RNF180: variants seen among roughly 807,000 people sequenced by gnomAD.
The protein encoded by RNF180 is ring finger protein 180, also known as E3 ubiquitin-protein ligase RNF180.
A neutral mutation model predicts 59.2 loss-of-function variants in RNF180; 38 were observed. That is an observed-to-expected ratio of 0.64 (90% CI 0.50 to 0.84). RNF180 has a LOEUF of 0.84. Ranked by LOEUF, RNF180 falls within the 40% of genes least tolerant of loss-of-function variation. RNF180 has a pLI of 0.00. For missense variants in RNF180, 705 were observed against 700.9 expected (o/e 1.01, Z -0.07); for synonymous variants, 262 against 240.3 (o/e 1.09, Z -0.84).
At chr5:64,174,959 C>CTTTTTTTTTTTTTT (rs370660214) in intron 1 of RNF180, among the ~76,000 whole-genome samples, 1 of 84,752 alleles carries the variant, frequency 1.2e-5, no homozygotes, top group African/African-American at 4.9e-5. Context: ...TAATCCAGTT[C>CTTTTTTTTTTTTTT]TTTTTTTTTT....
chr5:64,336,011 T>A (rs183027399), intron 7 of RNF180, among the ~76,000 whole-genome samples: 151 of 152,296 alleles, frequency 9.9e-4, no homozygotes, highest in African/African-American at 3.4e-3. Context: ...ACTTGCTATG[T>A]TGTCCTCTTC....
chr5:64,368,608 T>A (rs931018988), intron 7 of RNF180, among the ~76,000 whole-genome samples: 1 of 151,608 alleles, frequency 6.6e-6, no homozygotes, highest in African/African-American at 2.4e-5. Context: ...TCAAACAAAT[T>A]TACAAGAAAA....
At chr5:64,241,950 A>G (rs1742834831) in intron 5 of RNF180, among the ~76,000 whole-genome samples, 1 of 152,096 alleles carries the variant, frequency 6.6e-6, no homozygotes, top group African/African-American at 2.4e-5. Flanking sequence ...GCTGGTACTC[A>G]CTGACAGATC....
At chr5:64,312,325 C>T (rs999447623) in intron 5 of RNF180, among the ~76,000 whole-genome samples, 49 of 152,180 alleles carry the variant, frequency 3.2e-4, no homozygotes, top group African/African-American at 1.1e-3. Flanking sequence ...AGAGTTCCTC[C>T]GTTTCATGGT....
chr5:64,357,477 G>T (rs1561279180), intron 7 of RNF180, among the ~76,000 whole-genome samples: 1 of 151,746 alleles, frequency 6.6e-6, no homozygotes, highest in Non-Finnish European at 1.5e-5. Context: ...AGCCTCTAAA[G>T]AACCTGCAAA....
At chr5:64,364,508 G>T (rs1221606521) in intron 7 of RNF180, among the ~76,000 whole-genome samples, 1 of 151,604 alleles carries the variant, frequency 6.6e-6, no homozygotes, top group African/African-American at 2.4e-5. Context: ...ATCGATGTTT[G>T]TCAAGGACAT....
Position 64,224,053 on chromosome 5 carries a change from C to A in RNF180, c.1227+6657C>A, listed in dbSNP as rs568704574. Reference sequence around the variant, plus strand: ...CTCTGTTAGATTTTCTTCAGTTGATCTAGGTTGGGGTGTGTGTGTGTGTGT... The same window carrying A: ...CTCTGTTAGATTTTCTTCAGTTGATATAGGTTGGGGTGTGTGTGTGTGTGT... On this transcript the variant is annotated intron_variant, in intron 5 of 7. Coordinates refer to ENST00000389100, the MANE Select transcript of RNF180 (RefSeq NM_001113561.2). Among the ~76,000 whole-genome samples the A allele has an allele frequency of 2.1e-5, 3 of 145,952 alleles. No individual in the cohort carries two copies. In the South Asian group the frequency reaches 6.6e-4, roughly 32 times the overall value.
chr5:64,202,044 G>T (rs1328946067), intron 2 of RNF180, among the ~76,000 whole-genome samples: 1 of 152,176 alleles, frequency 6.6e-6, no homozygotes, highest in African/African-American at 2.4e-5. Flanking sequence ...TATTTTGGTG[G>T]ATATAACTTA....
At chr5:64,263,364 A>G (rs1744461821) in intron 5 of RNF180, among the ~76,000 whole-genome samples, 1 of 152,192 alleles carries the variant, frequency 6.6e-6, no homozygotes, top group Non-Finnish European at 1.5e-5. Context: ...ATTCATTAAT[A>G]TGAAATCACT....
At chr5:64,269,159 C>A (rs1324564974) in intron 5 of RNF180, among the ~76,000 whole-genome samples, 1 of 152,140 alleles carries the variant, frequency 6.6e-6, no homozygotes, top group African/African-American at 2.4e-5. Flanking sequence ...CTCCAGCGTG[C>A]TCTAGTCACT....
At position 64,298,136 on chromosome 5, in the gene RNF180, A is replaced by C. The variant is rs189287573; in HGVS notation, c.1228-27050A>C. Among the ~76,000 whole-genome samples, 563 of 152,128 alleles carry C rather than the reference A, an allele frequency of 3.7e-3. 3 individuals carry two copies. Among genetic ancestry groups the C allele is most frequent in the Admixed American group, 0.01 (157 of 15,258 alleles). ...GTAGTATTTGGTTTTCTACTCCTGC[A>C]TTAGTTTGCTAAGGATAATGGCCTC... On this transcript the variant is annotated intron_variant, in intron 5 of 7. Coordinates refer to ENST00000389100, the MANE Select transcript of RNF180 (RefSeq NM_001113561.2).
At chr5:64,274,565 T>A (rs1369670390) in intron 5 of RNF180, among the ~76,000 whole-genome samples, 1 of 152,068 alleles carries the variant, frequency 6.6e-6, no homozygotes, top group Non-Finnish European at 1.5e-5. Context: ...TTTGATTTTC[T>A]GTGATCTTAT....
chr5:64,363,646 GA>G (rs1311088853), intron 7 of RNF180, among the ~76,000 whole-genome samples: 1 of 151,666 alleles, frequency 6.6e-6, no homozygotes, highest in Non-Finnish European at 1.5e-5. Context: ...AATTTGCTAG[GA>G]ACAGCATTGA....
chr5:64,225,290 C>T (rs866297032), intron 5 of RNF180, among the ~76,000 whole-genome samples: 1 of 152,082 alleles, frequency 6.6e-6, no homozygotes. Flanking sequence ...ACATTTGGCC[C>T]GGCCGCCCCG....
chr5:64,330,363 A>T lies in RNF180; in HGVS notation c.1536A>T (p.Lys512Asn), dbSNP rs1259805076. ...KQSFQKSNSA[K>N]WPLPSCRKAF... ...GCTTTCAGAAATCCAACTCTGCAAAATGGCCCCTACCAAGCTGCAGAAAAG... is the reference window on the plus strand; with the variant it reads ...GCTTTCAGAAATCCAACTCTGCAAATTGGCCCCTACCAAGCTGCAGAAAAG... Residue 512 changes from lysine to asparagine, a missense_variant, in exon 7 of 8, where the codon AAA becomes AAT. Lys to Asn is a moderately conservative substitution (Grantham distance 94). Transcript: ENST00000389100. 5 of 1,546,212 alleles carry T rather than the reference A, an allele frequency of 3.2e-6. No homozygotes were observed. In the Admixed American group the frequency reaches 8.1e-5, roughly 25 times the overall value.
At chr5:64,230,575 A>G (rs1466619587) in intron 5 of RNF180, among the ~76,000 whole-genome samples, 4 of 152,206 alleles carry the variant, frequency 2.6e-5, no homozygotes, top group South Asian at 2.1e-4. Context: ...ACCCACTTCA[A>G]TCATGATAAT....
At chr5:64,235,593 G>T (rs1742386666) in intron 5 of RNF180, among the ~76,000 whole-genome samples, 2 of 150,964 alleles carry the variant, frequency 1.3e-5, no homozygotes, top group African/African-American at 2.4e-5. Flanking sequence ...AGTTTTCTAG[G>T]ATAGACAACA....
At chr5:64,260,938 C>G (rs1300663212) in intron 5 of RNF180, among the ~76,000 whole-genome samples, 1 of 147,624 alleles carries the variant, frequency 6.8e-6, no homozygotes, top group Non-Finnish European at 1.5e-5. Flanking sequence ...GTTCAGTTTC[C>G]TCTTTTTTTT....
chr5:64,238,789 T>G (rs1742604432), intron 5 of RNF180, among the ~76,000 whole-genome samples: 1 of 152,230 alleles, frequency 6.6e-6, no homozygotes, highest in Non-Finnish European at 1.5e-5. Context: ...AGATTACCTT[T>G]ACACGCTGTT....
Sources: gnomAD v4.1 joint callset for allele counts (sites outside exome capture counted in the v4.1 genomes callset) on GRCh38, gnomAD v4.1.1 for gene constraint, MANE v1.5 for transcripts, NCBI Gene and HGNC (gene_info 2026-07-23, HGNC 2026-07-21) for gene names.